The following SARAF variants were observed in gnomAD, a reference collection of about 807,000 sequenced individuals.
SARAF encodes the protein store-operated calcium entry associated regulatory factor, also known as store-operated calcium entry-associated regulatory factor.
A neutral mutation model predicts 39.7 loss-of-function variants in SARAF; 23 were observed. That is an observed-to-expected ratio of 0.58 (90% CI 0.42 to 0.82). The LOEUF is 0.82. SARAF is among the 40% of genes least tolerant of loss of function. The pLI is 0.00. For missense variants in SARAF, 384 were observed against 418.5 expected, an observed-to-expected ratio of 0.92 and a Z score of 0.72; for synonymous variants, 175 against 168.5, an observed-to-expected ratio of 1.04 and a Z score of -0.30.
chr8:30,081,261 G>T (rs145435173), intron 1 of SARAF, among the ~76,000 whole-genome samples: 1 of 152,348 alleles, frequency 6.6e-6, no homozygotes, highest in South Asian at 2.1e-4. Flanking sequence ...TAGTTTTACA[G>T]CGTAGATAAA....
At chr8:30,067,735 C>T (rs112405518) in intron 3 of SARAF, among the ~76,000 whole-genome samples, 4,155 of 152,174 alleles carry the variant, frequency 0.027, 202 homozygotes, top group African/African-American at 0.095. Context: ...TGTCTTCCAC[C>T]GTGTGAAAAA....
At chr8:30,075,519 G>C (rs941827802) in intron 1 of SARAF, among the ~76,000 whole-genome samples, 1 of 152,110 alleles carries the variant, frequency 6.6e-6, no homozygotes, top group Non-Finnish European at 1.5e-5. Context: ...GCCAACCAGA[G>C]GGACTCGAGC....
At chr8:30,075,582 T>C (rs1801939492) in intron 1 of SARAF, among the ~76,000 whole-genome samples, 1 of 152,204 alleles carries the variant, frequency 6.6e-6, no homozygotes, top group South Asian at 2.1e-4. Context: ...CTTCAGCTAG[T>C]AAACACAGGC....
rs1319036441 is a variant in SARAF at position 30,064,547 on chromosome 8, A to ATTTT, written c.995-635_995-634insAAAA. Among the ~76,000 whole-genome samples the ATTTT allele has an allele frequency of 8.3e-3, 307 of 36,980 alleles. 67 individuals are homozygous for ATTTT. Among genetic ancestry groups the ATTTT allele is most frequent in the Middle Eastern group, 0.028 (2 of 72 alleles). 24.3% of individuals were successfully genotyped at this position (36,980 alleles called of 152,430 possible). On this transcript the variant is annotated intron_variant, in intron 5 of 5. Coordinates refer to ENST00000256255, the MANE Select transcript of SARAF (RefSeq NM_016127.6). ...GTCTTACCTAGCCATATATATATAT[A>ATTTT]TATATATATATATATTTTTTTTTTT...
At chr8:30,065,793 A>G (rs1801669893) in intron 5 of SARAF, 195 bp downstream of exon 5, 1 of 630,542 alleles carries the variant, frequency 1.6e-6, no homozygotes, top group South Asian at 1.8e-5. Context: ...TGGTAGAGCT[A>G]AGCCTAAATC....
At chr8:30,072,982 T>C (rs925595861) in intron 2 of SARAF, among the ~76,000 whole-genome samples, 17 of 152,332 alleles carry the variant, frequency 1.1e-4, no homozygotes, top group Admixed American at 9.8e-4. Flanking sequence ...ATTACTGCCT[T>C]TTTTTCCCAT....
intron 1 of SARAF, among the ~76,000 whole-genome samples, chr8:30,078,723 T>G (rs10107082): frequency 0.89 from 134,318 of 151,520 alleles, 60,505 homozygotes; most frequent in Non-Finnish European, 0.98. Context: ...AAAATATATA[T>G]AGAGAGAGAG....
intron 5 of SARAF, chr8:30,065,733 T>C (rs1214189976): frequency 2.3e-6 from 1 of 433,560 alleles, no homozygotes; most frequent in East Asian, 4.7e-5. Flanking sequence ...CAGAATTAAA[T>C]ATATGGGGAA....
At chr8:30,071,978 G>A (rs1801858444) in intron 2 of SARAF, among the ~76,000 whole-genome samples, 1 of 152,144 alleles carries the variant, frequency 6.6e-6, no homozygotes, top group Admixed American at 6.5e-5. Flanking sequence ...ACCTTGGAGT[G>A]GAATGACTGA....
intron 2 of SARAF, among the ~76,000 whole-genome samples, chr8:30,071,532 A>G (rs914648058): frequency 2.0e-5 from 3 of 152,246 alleles, no homozygotes; most frequent in Non-Finnish European, 2.9e-5. Flanking sequence ...TGGTTTTAGT[A>G]TATTCACAGT....
upstream of SARAF, chr8:30,083,143 T>C: frequency 2.0e-6 from 1 of 493,672 alleles, no homozygotes. Flanking sequence ...TGGGGCTCAG[T>C]GAGTGGCCGC....
intron 5 of SARAF, among the ~76,000 whole-genome samples, chr8:30,064,791 G>A (rs1303588670): frequency 1.3e-5 from 2 of 151,528 alleles, no homozygotes; most frequent in Admixed American, 1.3e-4. Flanking sequence ...TCGAACTCCT[G>A]ACCTCAGGTG....
intron 4 of SARAF, 130 bp downstream of exon 4, chr8:30,066,647 C>T: frequency 2.6e-6 from 3 of 1,155,922 alleles, no homozygotes; most frequent in African/African-American, 1.6e-5. Flanking sequence ...TCCCCCTTCC[C>T]AGAGAATCTT....
chr8:30,076,254 C>A (rs1222955884), intron 1 of SARAF, among the ~76,000 whole-genome samples: 1 of 152,152 alleles, frequency 6.6e-6, no homozygotes, highest in African/African-American at 2.4e-5. Context: ...AACAGGGAAC[C>A]CAAGTGACTG....
chr8:30,069,874 G>A lies in SARAF; in HGVS notation c.468C>T (p.Ala156=), dbSNP rs760343412. ...ACTTATAATAATAATCAGAGAAAGA[G>A]GCAAAGCCGTGCTGCTTTCCAGACT... is the stretch of plus-strand genomic sequence containing the variant. ...LKESGKQHGF[A]SFSDYYYKWS... The change falls in exon 3 of 6, where the codon GCC becomes GCT. Residue 156 remains alanine, a synonymous_variant. Coordinates refer to ENST00000256255, the MANE Select transcript of SARAF (RefSeq NM_016127.6). 7.4e-6 allele frequency: 12 copies of A among 1,614,018 alleles called. No individual in the cohort carries two copies. In the East Asian group the frequency reaches 1.3e-4, roughly 18 times the overall value.
chr8:30,065,007 T>C (rs751642944), intron 5 of SARAF, among the ~76,000 whole-genome samples: 5 of 152,214 alleles, frequency 3.3e-5, no homozygotes, highest in African/African-American at 4.8e-5. Context: ...CATCATAGTG[T>C]ATATATTATT....
chr8:30,069,188 G>A (rs1201769679), intron 3 of SARAF, among the ~76,000 whole-genome samples: 1 of 124,104 alleles, frequency 8.1e-6, no homozygotes, highest in Non-Finnish European at 1.6e-5. Flanking sequence ...CACTCAGGCT[G>A]GAGTGCAGTG....
At chr8:30,082,696 G>A in intron 1 of SARAF, 151 bp downstream of exon 1, 1 of 573,746 alleles carries the variant, frequency 1.7e-6, no homozygotes, top group Non-Finnish European at 3.0e-6. Flanking sequence ...AGTGGAACCA[G>A]GGAGAGCACG....
chr8:30,079,324 T>C (rs562224824), intron 1 of SARAF, among the ~76,000 whole-genome samples: 66 of 152,286 alleles, frequency 4.3e-4, no homozygotes, highest in Middle Eastern at 6.8e-3. Flanking sequence ...ATGTCTTCTT[T>C]AATAAATAGC....
Sources: gnomAD v4.1 joint callset for allele counts (sites outside exome capture counted in the v4.1 genomes callset) on GRCh38, gnomAD v4.1.1 for gene constraint, MANE v1.5 for transcripts, NCBI Gene and HGNC (gene_info 2026-07-23, HGNC 2026-07-21) for gene names.